Variants in A1BG observed in about 807,000 individuals in gnomAD.
A1BG encodes alpha-1-B glycoprotein, also known as alpha-1B-glycoprotein.
In A1BG, 44 loss-of-function variants were observed where a neutral mutation model predicts 46.0. The ratio of observed to expected loss-of-function variants is 0.96; its 90% CI spans 0.75 to 1.23. A1BG has a LOEUF of 1.23. Ranked by LOEUF, A1BG falls within the 50% of genes most tolerant of loss-of-function variation. The probability of loss-of-function intolerance (pLI) is 0.00; values close to 1 mark genes in which losing one functional copy is unlikely to be tolerated. For missense variants in A1BG, 707 were observed against 688.8 expected, an observed-to-expected ratio of 1.03 and a Z score of -0.30; for synonymous variants, 316 against 314.7, an observed-to-expected ratio of 1.00 and a Z score of -0.04.
intron 7 of A1BG, 106 bp from the exon 8 acceptor site, chr19:58,347,135 C>A (rs1274427740): frequency 3.4e-6 from 5 of 1,470,986 alleles, no homozygotes; most frequent in Non-Finnish European, 4.7e-6. Flanking sequence ...GAAGGAAGCG[C>A]GTGGTCGGCT....
chr19:58,352,434 G>A lies in A1BG; in HGVS notation c.462C>T (p.Gly154=), dbSNP rs776353453. 3.1e-6 allele frequency: 5 copies of A among 1,613,634 alleles called. No individual in the cohort carries two copies. Among genetic ancestry groups the A allele is most frequent in the East Asian group, 2.2e-5 (1 of 44,848 alleles). The change falls in exon 4 of 8, where the codon GGC becomes GGT. Residue 154 remains glycine (G), a synonymous_variant. Coordinates refer to ENST00000263100, the MANE Select transcript of A1BG (RefSeq NM_130786.4). ...CAGGCACCTCCAGAAACTCATGGTC[G>A]CCCTCCCGCCTCAGCAGAAAAGTCA... ...RGVTFLLRRE[G]DHEFLEVPEA... is the part of the protein sequence containing the mutation.
chr19:58,353,362 G>A (rs571557677), intron 1 of A1BG, 35 bp from the exon 2 acceptor site: 16 of 1,442,914 alleles, frequency 1.1e-5, no homozygotes, highest in Middle Eastern at 1.7e-4. Context: ...TCCTGTTCCC[G>A]CCCCCTCCCG....
chr19:58,351,390 C>T lies in A1BG; in HGVS notation c.910+1G>A, dbSNP rs2051956855. 6.2e-7 allele frequency: 1 copy of T among 1,609,068 alleles called. No individual in the cohort carries two copies. Among genetic ancestry groups the T allele is most frequent in the South Asian group, 1.1e-5 (1 of 91,050 alleles). ...CCCTGTCCCTGCTGGCCCCGGCTCA[C>T]CATCGCTCAGAATCAGCTCGACCGG... On this transcript the variant is annotated splice_donor_variant, in intron 5 of 7. Transcript: ENST00000263100. LOFTEE classifies it high-confidence loss of function.
At position 58,347,698 on chromosome 19, in the gene A1BG, A is replaced by G. The variant is rs62116375; in HGVS notation, c.1193-58T>C. ...CACGCCCCAGGCCACGCCCCAGGCC[A>G]CACCCCAGGCCACACCCCAGGCCGC... On this transcript the variant is annotated intron_variant, in intron 6 of 7. Coordinates refer to ENST00000263100, the MANE Select transcript of A1BG (RefSeq NM_130786.4). The G allele has an allele frequency of 7.3e-3, 4,425 of 604,418 alleles. 210 individuals carry two copies. Among genetic ancestry groups the G allele is most frequent in the African/African-American group, 0.031 (762 of 24,836 alleles). The allele number at this position is 604,418 out of a possible 1,614,324, so 37.4% of individuals were successfully genotyped here. A position where few individuals can be genotyped will look rare whatever the true frequency, so the allele number is the denominator to read the frequency against.
At chr19:58,347,251 G>C in intron 7 of A1BG, 102 bp downstream of exon 7, 1 of 1,520,352 alleles carries the variant, frequency 6.6e-7, no homozygotes, top group Non-Finnish European at 8.9e-7. Context: ...GCTAACCAGG[G>C]GTGCCCAAGG....
chr19:58,352,887 T>C (rs773784782), intron 3 of A1BG, 41 bp downstream of exon 3: 2 of 1,582,134 alleles, frequency 1.3e-6, no homozygotes, highest in African/African-American at 2.7e-5. Flanking sequence ...GTCAACAACC[T>C]ACCCACTGCC....
intron 4 of A1BG, 78 bp downstream of exon 4, chr19:58,352,205 T>C: frequency 5.1e-6 from 8 of 1,561,080 alleles, no homozygotes; most frequent in South Asian, 1.2e-5. Flanking sequence ...ACATTCAGCA[T>C]GGAGGTCAGG....
chr19:58,351,622 T>G lies in A1BG; in HGVS notation c.679A>C (p.Lys227Gln). 6.2e-7 allele frequency: 1 copy of G among 1,613,376 alleles called. No individual in the cohort carries two copies. The change falls in exon 5 of 8, where the codon AAG (lysine) becomes CAG (glutamine). Residue 227 changes from lysine (K) to glutamine (Q), a missense_variant. Lys to Gln is a moderately conservative substitution (Grantham distance 53). Transcript: ENST00000263100. The stretch of plus-strand genomic sequence containing the variant: ...GGAGCCACGCAGGTGAGGGTCACCT[T>G]GTTGCCAGGGTGCAGGACCTGGGAG... ...ESSQVLHPGN[K>Q]VTLTCVAPLS...
chr19:58,351,240 G>A, intron 5 of A1BG, 151 bp downstream of exon 5: 2 of 942,120 alleles, frequency 2.1e-6, no homozygotes, highest in East Asian at 2.4e-5. Context: ...CATCATATTT[G>A]CAGTTTAGGA....
intron 6 of A1BG, 130 bp downstream of exon 6, chr19:58,350,240 G>A (rs1278223569): frequency 1.7e-6 from 2 of 1,202,196 alleles, no homozygotes; most frequent in East Asian, 2.8e-5. Flanking sequence ...CTCCCCGCCG[G>A]GGTAGGCGAT....
Position 58,346,892 on chromosome 19 carries a change from G to C in A1BG, c.*130C>G. 1.1e-6 allele frequency: 1 copy of C among 951,430 alleles called. No individual in the cohort carries two copies. Among genetic ancestry groups the C allele is most frequent in the Non-Finnish European group, 1.7e-6 (1 of 575,674 alleles). The allele number at this position is 951,430 out of a possible 1,614,324, so 58.9% of individuals were successfully genotyped here. ...CTCTCTTCACATTTATTAATTCCTG[G>C]GAGGAATGAGGGAGGCTTCTCCAGC... On this transcript the variant is annotated 3_prime_UTR_variant, in exon 8 of 8. Transcript: ENST00000263100.
rs369642410 is a variant in A1BG, at chr19:58,352,494, T to C, written c.402A>G (p.Lys134=). 111 of 1,612,964 alleles carry C rather than the reference T, an allele frequency of 6.9e-5. No individual in the cohort carries two copies. Among genetic ancestry groups the C allele is most frequent in the Non-Finnish European group, 8.4e-5 (99 of 1,179,936 alleles). Residue 134 remains lysine, a synonymous_variant, in exon 4 of 8, where the codon AAA becomes AAG. Coordinates refer to ENST00000263100, the MANE Select transcript of A1BG (RefSeq NM_130786.4). ...APVSWITPGL[K]TTAVCRGVLR... is the part of the protein sequence containing the mutation. ...GCACACCTCGGCACACTGCTGTTGT[T>C]TTCAGGCCGGGGGTGATCCAGGACA... is the stretch of plus-strand genomic sequence containing the variant.
chr19:58,350,203 C>G (rs747970964), intron 6 of A1BG, 167 bp downstream of exon 6: 16 of 914,092 alleles, frequency 1.8e-5, no homozygotes, highest in Non-Finnish European at 2.2e-5. Flanking sequence ...TCCAGGCGTC[C>G]CCAGACCCTC....
At position 58,347,004 on chromosome 19, in the gene A1BG, C is replaced by G; in HGVS notation, c.*18G>C. ...GCACTTCTGAGGACACCAACAGCAC[C>G]CTGGGCCCGCGGCTGCATCAGCTTT... On this transcript the variant is annotated 3_prime_UTR_variant, in exon 8 of 8. Coordinates refer to ENST00000263100, the MANE Select transcript of A1BG (RefSeq NM_130786.4). 6.2e-7 allele frequency: 1 copy of G among 1,614,112 alleles called. No individual in the cohort carries two copies. Among genetic ancestry groups the G allele is most frequent in the Non-Finnish European group, 8.5e-7 (1 of 1,180,020 alleles).
intron 4 of A1BG, 105 bp from the exon 5 acceptor site, chr19:58,351,792 A>ATTAT: frequency 5.2e-6 from 5 of 968,350 alleles, no homozygotes; most frequent in Non-Finnish European, 7.1e-6. Flanking sequence ...ACACCCTTCC[A>ATTAT]TTCTTTTTTT....
chr19:58,350,677 C>A (rs369980644), intron 5 of A1BG, 26 bp from the exon 6 acceptor site: 2 of 1,338,848 alleles, frequency 1.5e-6, no homozygotes, highest in Non-Finnish European at 1.9e-6. Flanking sequence ...CGGGCTGACC[C>A]GGGCGCCCAG....
In A1BG at chr19:58,347,560, C is replaced by A; in HGVS notation, c.1273G>T (p.Gly425Ter). ...TCGAAGGTGACGTCGGGGATGGGTC[C>A]CTCGCAGCGCAGGACGGCATCTCGG... Reference protein sequence around the residue: ...AGRDAVLRCEGPIPDVTFELL... With the variant: ...AGRDAVLRCE The change falls in exon 7 of 8, where the codon GGA becomes TGA. Residue 425 changes from glycine (G) to a stop codon, truncating the protein, a stop_gained. Transcript: ENST00000263100. LOFTEE classifies it high-confidence loss of function. 1 of 1,556,274 alleles carries A rather than the reference C, an allele frequency of 6.4e-7. No homozygotes were observed. The highest frequency in any genetic ancestry group is 8.7e-7 in the Non-Finnish European group (1 of 1,155,536).
chr19:58,352,163 G>C, intron 4 of A1BG, 120 bp downstream of exon 4: 1 of 1,517,498 alleles, frequency 6.6e-7, no homozygotes, highest in Non-Finnish European at 8.8e-7. Context: ...GCAACCGTGT[G>C]GCCAGCTTCC....
chr19:58,346,841 G>C lies in A1BG; in HGVS notation c.*181C>G, dbSNP rs1347027635. 7 of 754,372 alleles carry C rather than the reference G, an allele frequency of 9.3e-6. No homozygotes were observed. In the Admixed American group the frequency reaches 1.4e-4, roughly 15 times the overall value. 46.7% of individuals were successfully genotyped at this position (754,372 alleles called of 1,614,324 possible). A position where few individuals can be genotyped will look rare whatever the true frequency, so the allele number is the denominator to read the frequency against. ...GAGATCCCAGCCCACTCAGCCCTGG[G>C]AGTCCAAAGACATTTTAAACAGAGC... On this transcript the variant is annotated 3_prime_UTR_variant, in exon 8 of 8. Transcript: ENST00000263100.
Sources: gnomAD v4.1 joint callset for allele counts on GRCh38, gnomAD v4.1.1 for gene constraint, MANE v1.5 for transcripts, NCBI Gene and HGNC (gene_info 2026-07-23, HGNC 2026-07-21) for gene names.